The following SELP variants were observed in gnomAD, a reference collection of about 807,000 sequenced individuals.
SELP encodes selectin P, also known as P-selectin.
SELP carries 92 observed loss-of-function variants against 104.1 expected under a neutral mutation model. The ratio of observed to expected loss-of-function variants is 0.88; its 90% confidence interval spans 0.75 to 1.05. The LOEUF (loss-of-function observed/expected upper bound fraction) is 1.05, where lower values mean the gene tolerates loss of function less well. Ranked by LOEUF, SELP falls within the 50% of genes least tolerant of loss-of-function variation. SELP has a pLI of 0.00. For missense variants in SELP, 1,022 were observed against 1,017.3 expected (o/e 1.00, Z -0.06); for synonymous variants, 397 against 364.5 (o/e 1.09, Z -1.01).
Position 169,617,125 on chromosome 1 carries a change from G to T in SELP, c.384C>A (p.Asn128Lys), listed in dbSNP as rs147922476. Residue 128 changes from asparagine (N) to lysine (K), a missense_variant, in exon 3 of 17, where the codon AAC becomes AAA. Physicochemically the swap from Asn to Lys is moderately conservative, Grantham distance 94. Coordinates refer to ENST00000263686, the MANE Select transcript of SELP (RefSeq NM_003005.4). ...ADNEPNNKRN[N>K]EDCVEIYIKS... ...TGATGTATATCTCCACGCAGTCCTCGTTGTTCCTTTTGTTGTTAGGTTCAT... is the reference window on the plus strand; with the variant it reads ...TGATGTATATCTCCACGCAGTCCTCTTTGTTCCTTTTGTTGTTAGGTTCAT... 1.2e-6 allele frequency: 2 copies of T among 1,613,724 alleles called. No homozygotes were observed. Among genetic ancestry groups the T allele is most frequent in the East Asian group, 2.2e-5 (1 of 44,888 alleles).
At chr1:169,625,183 A>G (rs1663316999) in intron 1 of SELP, among the ~76,000 whole-genome samples, 1 of 152,200 alleles carries the variant, frequency 6.6e-6, no homozygotes, top group African/African-American at 2.4e-5. Flanking sequence ...CCAAATGAAG[A>G]CTTTCCACCC....
In SELP at chr1:169,617,143, AG is replaced by A; in HGVS notation, c.365del (p.Pro122LeufsTer30). Reference protein sequence around the residue: ...NEAENWADNEPNNKRNNEDCV... With the variant: ...NEAENWADNEXNNKRNNEDCV... ...AGTCCTCGTTGTTCCTTTTGTTGTT[AG>A]GTTCATTATCAGCCCAGTTCTCAGC... On this transcript the variant is annotated frameshift_variant, in exon 3 of 17. Transcript: ENST00000263686. LOFTEE classifies it high-confidence loss of function. 1 of 1,614,012 alleles carries A rather than the reference AG, an allele frequency of 6.2e-7. No homozygotes were observed. The highest frequency in any genetic ancestry group is 1.3e-5 in the African/African-American group (1 of 74,984).
chr1:169,596,256 G>T, intron 11 of SELP, 122 bp from the exon 12 acceptor site: 1 of 827,864 alleles, frequency 1.2e-6, no homozygotes, highest in Non-Finnish European at 1.9e-6. Flanking sequence ...TCCTGCAAGA[G>T]CTATTTAAGG....
intron 2 of SELP, 91 bp downstream of exon 2, chr1:169,619,038 C>T: frequency 9.5e-7 from 1 of 1,055,194 alleles, no homozygotes; most frequent in South Asian, 1.5e-5. Flanking sequence ...TGCCTCAAAC[C>T]AACTGGCTAC....
rs193161597 is a variant in SELP at position 169,591,020 on chromosome 1, G to A, written c.2438+406C>T. ...ATCACAGGTTTTCAGACTCTTTACC[G>A]GAGTTGTTCACCATGTTGAAAAATT... On this transcript the variant is annotated intron_variant, in intron 15 of 16. Coordinates refer to ENST00000263686, the MANE Select transcript of SELP (RefSeq NM_003005.4). 3.2e-3 allele frequency among the ~76,000 whole-genome samples: 493 copies of A among 152,212 alleles called. 5 individuals are homozygous for A. The highest frequency in any genetic ancestry group is 0.012 in the African/African-American group (479 of 41,518).
At chr1:169,600,550 G>A (rs976915034) in intron 10 of SELP, among the ~76,000 whole-genome samples, 1 of 152,142 alleles carries the variant, frequency 6.6e-6, no homozygotes, top group Non-Finnish European at 1.5e-5. Context: ...TAACTAAAGT[G>A]GAACTATCGG....
intron 9 of SELP, among the ~76,000 whole-genome samples, chr1:169,603,893 T>C (rs1460768066): frequency 1.3e-5 from 2 of 152,238 alleles, no homozygotes; most frequent in Non-Finnish European, 2.9e-5. Context: ...CTATTTTGAA[T>C]AGTGCCGCAA....
intron 8 of SELP, among the ~76,000 whole-genome samples, chr1:169,608,098 G>A (rs1049784339): frequency 6.6e-6 from 1 of 150,884 alleles, no homozygotes; most frequent in Admixed American, 6.6e-5. Context: ...CAGACTAAGT[G>A]TCAGCATCAT....
chr1:169,593,441 A>C (rs1376542312), intron 14 of SELP, among the ~76,000 whole-genome samples, 164 bp downstream of exon 14: 1 of 152,174 alleles, frequency 6.6e-6, no homozygotes, highest in Non-Finnish European at 1.5e-5. Context: ...ATGGACAATC[A>C]GTTCTCAAGA....
At chr1:169,591,522 T>A in intron 14 of SELP, 66 bp from the exon 15 acceptor site, 1 of 1,191,894 alleles carries the variant, frequency 8.4e-7, no homozygotes, top group East Asian at 2.5e-5. Flanking sequence ...GAGAGGGTCA[T>A]TAAGGATAGA....
intron 10 of SELP, among the ~76,000 whole-genome samples, chr1:169,602,346 G>T (rs1415886640): frequency 6.6e-6 from 1 of 152,150 alleles, no homozygotes; most frequent in Admixed American, 6.5e-5. Flanking sequence ...GTCTGTGGCT[G>T]GGATTTAGTA....
intron 1 of SELP, among the ~76,000 whole-genome samples, chr1:169,621,527 C>A (rs955155933): frequency 2.1e-5 from 3 of 144,424 alleles, no homozygotes; most frequent in Admixed American, 2.1e-4. Flanking sequence ...GTGTCACGCC[C>A]AGTAGGGTGC....
At chr1:169,611,404 A>G (rs1662523307) in intron 7 of SELP, 88 bp downstream of exon 7, 7 of 1,340,542 alleles carry the variant, frequency 5.2e-6, no homozygotes, top group Non-Finnish European at 7.2e-6. Context: ...CTTAGAAGAG[A>G]TCACCCCGAC....
chr1:169,624,056 T>C (rs1190570588), intron 1 of SELP, among the ~76,000 whole-genome samples: 2 of 152,214 alleles, frequency 1.3e-5, no homozygotes, highest in Non-Finnish European at 2.9e-5. Flanking sequence ...CTGTCCATGT[T>C]TAATGTGGCC....
intron 1 of SELP, among the ~76,000 whole-genome samples, chr1:169,620,377 T>C (rs1663036097): frequency 7.5e-6 from 1 of 133,102 alleles, no homozygotes; most frequent in African/African-American, 2.8e-5. Context: ...CTTTCCACTG[T>C]ACTTTTTTTT....
chr1:169,612,634 C>A (rs753435547), intron 5 of SELP, among the ~76,000 whole-genome samples: 50 of 152,054 alleles, frequency 3.3e-4, no homozygotes, highest in Admixed American at 2.0e-4. Context: ...CCCCTAAGTC[C>A]TCATCATTGT....
intron 1 of SELP, among the ~76,000 whole-genome samples, chr1:169,623,102 G>A (rs1284866794): frequency 6.6e-6 from 1 of 152,148 alleles, no homozygotes; most frequent in East Asian, 1.9e-4. Context: ...TGGAGGTATA[G>A]GAGCAAAAAT....
At chr1:169,596,818 A>C (rs954747789) in intron 11 of SELP, among the ~76,000 whole-genome samples, 173 bp downstream of exon 11, 1 of 152,270 alleles carries the variant, frequency 6.6e-6, no homozygotes, top group Non-Finnish European at 1.5e-5. Flanking sequence ...ATTCACAAAC[A>C]TAAAAATATC....
chr1:169,609,733 C>T lies in SELP; in HGVS notation c.1148-44G>A, dbSNP rs141608603. Reference sequence around the variant, plus strand: ...TTCTAAAGCCAGGTAATGGAAGGGCCGGGTTCTTCCTCAGAAAAAATTCCT... The same window carrying T: ...TTCTAAAGCCAGGTAATGGAAGGGCTGGGTTCTTCCTCAGAAAAAATTCCT... On this transcript the variant is annotated intron_variant, in intron 7 of 16. Transcript: ENST00000263686. 448 of 1,545,540 alleles carry T rather than the reference C, an allele frequency of 2.9e-4. No individual in the cohort carries two copies. The East Asian group carries it at 4.5e-3, about 15-fold the overall frequency.
Sources: gnomAD v4.1 joint callset for allele counts (sites outside exome capture counted in the v4.1 genomes callset) on GRCh38, gnomAD v4.1.1 for gene constraint, MANE v1.5 for transcripts, NCBI Gene and HGNC (gene_info 2026-07-23, HGNC 2026-07-21) for gene names.